The following FHIP1B variants were observed in gnomAD, a reference collection of about 807,000 sequenced individuals.
FHIP1B encodes the protein FHF complex subunit HOOK-interacting protein 1B.
A neutral mutation model predicts 82.2 loss-of-function variants in FHIP1B; 28 were observed. The observed-to-expected ratio is 0.34, with a 90% confidence interval of 0.25 to 0.47. FHIP1B has a LOEUF of 0.47. Ranked by LOEUF, FHIP1B falls within the 20% of genes least tolerant of loss-of-function variation. The pLI, the probability that FHIP1B is intolerant of heterozygous loss-of-function variation, is 1.00. For synonymous variants in FHIP1B, 585 were observed against 516.1 expected, an observed-to-expected ratio of 1.13 and a Z score of -1.81; for missense variants, 1,110 against 1,262.6, an observed-to-expected ratio of 0.88 and a Z score of 1.83.
In FHIP1B at chr11:6,224,222, G is replaced by A; in HGVS notation, c.165C>T (p.Gly55=). 1.2e-6 allele frequency: 2 copies of A among 1,610,592 alleles called. No individual in the cohort carries two copies. Among genetic ancestry groups the A allele is most frequent in the Non-Finnish European group, 1.7e-6 (2 of 1,177,966 alleles). ...CTGCACCCCCAGGAGCTGCCCGAGG[G>A]CCTTGCCGCTCCAGGATTCGCACCA... ...SQVVRILERQ[G]PRAAPGGADD... is the part of the protein sequence containing the mutation. Residue 55 remains glycine, a synonymous_variant, in exon 3 of 12, where the codon GGC becomes GGT. Transcript: ENST00000449352.
chr11:6,215,370 A>G (rs1244402333), intron 9 of FHIP1B: 2 of 152,970 alleles, frequency 1.3e-5, no homozygotes, highest in Non-Finnish European at 2.9e-5. Flanking sequence ...CTACAATTAC[A>G]TATTGTTTTT....
Position 6,224,123 on chromosome 11 carries a change from C to A in FHIP1B, c.264G>T (p.Ser88=), listed in dbSNP as rs761608667. Reference sequence around the variant, plus strand: ...GCAGGGGCCCAGGGCCTGTGGGGGCCGAGGGAACTGCACGGTCCTCTGCCA... The same window carrying A: ...GCAGGGGCCCAGGGCCTGTGGGGGCAGAGGGAACTGCACGGTCCTCTGCCA... The part of the protein sequence containing the change: ...TLLAEDRAVP[S]APTGPGPLLE... The change falls in exon 3 of 12, where the codon TCG becomes TCT. Residue 88 remains serine, a synonymous_variant. Transcript: ENST00000449352. The A allele has an allele frequency of 3.7e-6, 6 of 1,614,062 alleles. No individual in the cohort carries two copies. The highest frequency in any genetic ancestry group is 3.4e-6 in the Non-Finnish European group (4 of 1,179,982).
intron 11 of FHIP1B, among the ~76,000 whole-genome samples, chr11:6,214,162 A>T (rs1410056772): frequency 6.6e-6 from 1 of 151,986 alleles, no homozygotes; most frequent in Non-Finnish European, 1.5e-5. Context: ...CGCAACCTAG[A>T]GACTACTCTG....
At chr11:6,220,439 A>G (rs1352531977) in intron 6 of FHIP1B, among the ~76,000 whole-genome samples, 1 of 152,196 alleles carries the variant, frequency 6.6e-6, no homozygotes, top group African/African-American at 2.4e-5. Flanking sequence ...TAAGACAATA[A>G]ATCTGTTTTA....
chr11:6,229,102 T>C (rs1381648384), intron 1 of FHIP1B, among the ~76,000 whole-genome samples: 1 of 152,210 alleles, frequency 6.6e-6, no homozygotes, highest in African/African-American at 2.4e-5. Flanking sequence ...AGTATTAATG[T>C]TTATGGAACA....
At position 6,223,196 on chromosome 11, in the gene FHIP1B, G is replaced by A. The variant is rs1244727701; in HGVS notation, c.820C>T (p.Arg274Ter). The change falls in exon 4 of 12, where the codon CGA becomes TGA. Residue 274 changes from arginine to a stop codon, truncating the protein, a stop_gained. Transcript: ENST00000449352. LOFTEE classifies it high-confidence loss of function. This position sits in a 1 kb window ranked among gnomAD's most constrained non-coding sequence, Gnocchi z 4.8. Reference sequence around the variant, plus strand: ...TCATCCCCTGGAACCTCAATCTTTCGAGGCAGTGATGAGTACAGGGCACTG... The same window carrying A: ...TCATCCCCTGGAACCTCAATCTTTCAAGGCAGTGATGAGTACAGGGCACTG... Reference protein sequence around the residue: ...GLSALYSSLPRKIEVPGDDWH... With the variant: ...GLSALYSSLP 4 of 1,605,534 alleles carry A rather than the reference G, an allele frequency of 2.5e-6. No homozygotes were observed. Among genetic ancestry groups the A allele is most frequent in the Non-Finnish European group, 1.7e-6 (2 of 1,178,018 alleles).
Position 6,217,812 on chromosome 11 carries a change from TC to T in FHIP1B, c.1773del (p.Thr592LeufsTer70). The T allele has an allele frequency of 6.2e-7, 1 of 1,612,816 alleles. No homozygotes were observed. The highest frequency in any genetic ancestry group is 8.5e-7 in the Non-Finnish European group (1 of 1,179,438). On this transcript the variant is annotated frameshift_variant, in exon 9 of 12. Coordinates refer to ENST00000449352, the MANE Select transcript of FHIP1B (RefSeq NM_001098794.2). LOFTEE classifies it high-confidence loss of function. ...TCAGGCAGTAGGCTGCGTTTCTTAG[TC>T]CGGGAGCCAAAAGGACTGGGCTCAG... Reference protein sequence around the residue: ...PSPEPSPFGSRTKKRSLLPEE... With the variant: ...PSPEPSPFGSXTKKRSLLPEE...
chr11:6,231,275 G>C (rs1057218888), intron 1 of FHIP1B, among the ~76,000 whole-genome samples: 1 of 152,076 alleles, frequency 6.6e-6, no homozygotes, highest in Non-Finnish European at 1.5e-5. Context: ...TGACAATGTA[G>C]TCCTTGCCTG....
chr11:6,229,677 G>GTAA (rs1400327231), intron 1 of FHIP1B, among the ~76,000 whole-genome samples: 1 of 152,078 alleles, frequency 6.6e-6, no homozygotes, highest in East Asian at 1.9e-4. Context: ...GACCAACAAA[G>GTAA]GGTACTGCTC....
chr11:6,215,033 G>GT, intron 9 of FHIP1B, 122 bp from the exon 10 acceptor site: 1 of 1,006,916 alleles, frequency 9.9e-7, no homozygotes, highest in Non-Finnish European at 1.4e-6. Flanking sequence ...CAGCCTCTGG[G>GT]TATGTTTAAA....
chr11:6,226,929 T>C (rs1009613934), intron 1 of FHIP1B, among the ~76,000 whole-genome samples: 2 of 152,200 alleles, frequency 1.3e-5, no homozygotes, highest in Non-Finnish European at 2.9e-5. Context: ...CAATAGTCCA[T>C]TTGAAAATAA....
In FHIP1B at chr11:6,222,373, T is replaced by C. The variant is rs1245921881; in HGVS notation, c.1191+69A>G. 3.2e-6 allele frequency: 5 copies of C among 1,560,988 alleles called. No individual in the cohort carries two copies. In the Admixed American group the frequency reaches 5.1e-5, roughly 16 times the overall value. On this transcript the variant is annotated intron_variant, in intron 6 of 11. Transcript: ENST00000449352. The stretch of plus-strand genomic sequence containing the variant: ...AGGCAAAAGAAGGGCAGGAATACCC[T>C]CCCAGAACAAAGGTCAGAGAAAGAA...
Position 6,217,997 on chromosome 11 carries a change from G to C in FHIP1B, c.1589C>G (p.Pro530Arg). 1 of 1,613,594 alleles carries C rather than the reference G, an allele frequency of 6.2e-7. No individual in the cohort carries two copies. Among genetic ancestry groups the C allele is most frequent in the Non-Finnish European group, 8.5e-7 (1 of 1,179,952 alleles). ...APCSPGLSASPASSPGRRPTP... is the reference protein window; with the variant it reads ...APCSPGLSASRASSPGRRPTP... ...AGGCCGTCGGCCAGGGCTGGAGGCG[G>C]GGGATGCAGAAAGCCCTGGTGAGCA... Residue 530 changes from proline to arginine, a missense_variant, in exon 9 of 12, where the codon CCC (proline) becomes CGC (arginine). Pro to Arg is a moderately radical substitution (Grantham distance 103, BLOSUM62 -2). Coordinates refer to ENST00000449352, the MANE Select transcript of FHIP1B (RefSeq NM_001098794.2).
rs754576867 is a variant in FHIP1B at position 6,211,854 on chromosome 11, C to G, written c.2571G>C (p.Arg857Ser). 1.3e-6 allele frequency: 2 copies of G among 1,570,522 alleles called. No homozygotes were observed. Among genetic ancestry groups the G allele is most frequent in the East Asian group, 4.5e-5 (2 of 44,550 alleles). Residue 857 changes from arginine (R) to serine (S), a missense_variant, in exon 12 of 12, where the codon AGG becomes AGC. By Grantham distance (110) the Arg-to-Ser change is moderately radical. Transcript: ENST00000449352. Reference protein sequence around the residue: ...RRSDPLVKSRRPSLGELLLRH... With the variant: ...RRSDPLVKSRSPSLGELLLRH... ...GCAGGAGTAACTCCCCCAAGGATGGCCTCCGGCTCTTCACTGGGAATAAAC... is the reference window on the plus strand; with the variant it reads ...GCAGGAGTAACTCCCCCAAGGATGGGCTCCGGCTCTTCACTGGGAATAAAC...
intron 1 of FHIP1B, among the ~76,000 whole-genome samples, chr11:6,231,496 G>A (rs1174474898): frequency 7.0e-6 from 1 of 143,170 alleles, no homozygotes; most frequent in African/African-American, 2.6e-5. Flanking sequence ...TTTTCTTGAG[G>A]TGGGGCCTCT....
intron 9 of FHIP1B, chr11:6,216,987 C>A: frequency 1.5e-6 from 1 of 655,366 alleles, no homozygotes; most frequent in South Asian, 1.7e-5. Context: ...AGGTGCCTCT[C>A]CATACAGGAC....
chr11:6,220,549 C>T (rs1274771562), intron 6 of FHIP1B, among the ~76,000 whole-genome samples: 3 of 152,128 alleles, frequency 2.0e-5, no homozygotes, highest in Admixed American at 6.5e-5. Context: ...AGGCTATATA[C>T]GTTACAAAGT....
intron 2 of FHIP1B, 27 bp downstream of exon 2, chr11:6,224,352 A>G: frequency 1.2e-6 from 2 of 1,614,252 alleles, no homozygotes; most frequent in Non-Finnish European, 1.7e-6. Flanking sequence ...ATCAGCAGAC[A>G]AGGCCCTTTG....
chr11:6,231,228 T>G (rs1847688713), intron 1 of FHIP1B, among the ~76,000 whole-genome samples: 1 of 152,070 alleles, frequency 6.6e-6, no homozygotes, highest in South Asian at 2.1e-4. Flanking sequence ...AGCAAATGAT[T>G]GAATGCAGGG....
Sources: gnomAD v4.1 joint callset for allele counts (sites outside exome capture counted in the v4.1 genomes callset) on GRCh38, gnomAD v4.1.1 for gene constraint, Gnocchi (gnomAD v3.1) non-coding constraint, MANE v1.5 for transcripts, NCBI Gene and HGNC (gene_info 2026-07-23, HGNC 2026-07-21) for gene names.